The following RBFOX1 variants were observed in gnomAD, a reference collection of about 807,000 sequenced individuals.
RBFOX1 encodes the protein RNA binding protein fox-1 homolog 1.
Under a neutral mutation model 57.7 loss-of-function variants are expected in RBFOX1, and 8 were observed. The observed-to-expected ratio is 0.14, with a 90% CI of 0.08 to 0.25. RBFOX1 has a LOEUF of 0.25. Among genes scored for constraint, RBFOX1 ranks in the 10% least tolerant of loss-of-function variants. The probability of loss-of-function intolerance (pLI) is 1.00; values close to 1 mark genes in which losing one functional copy is unlikely to be tolerated. For missense variants in RBFOX1, 611 were observed against 548.5 expected, an observed-to-expected ratio of 1.11 and a Z score of -1.14; for synonymous variants, 326 against 222.4, an observed-to-expected ratio of 1.47 and a Z score of -4.15.
At position 7,159,273 on chromosome 16, in the gene RBFOX1, G is replaced by A. The variant is rs941357527; in HGVS notation, c.27+107175G>A. On this transcript the variant is annotated intron_variant, in intron 4 of 15. Transcript: ENST00000550418. ...AGAATCTTTTTTCAGTAGACACCCT[G>A]AGGCTGAGCAGGAGAGGGTGCCATT... Among the ~76,000 whole-genome samples the A allele has an allele frequency of 2.4e-4, 35 of 148,198 alleles. No homozygotes were observed. In the South Asian group the frequency reaches 6.4e-3, roughly 27 times the overall value.
At chr16:6,951,257 G>A (rs375749116) in intron 3 of RBFOX1, among the ~76,000 whole-genome samples, 45 of 152,038 alleles carry the variant, frequency 3.0e-4, no homozygotes, top group African/African-American at 9.7e-4. Context: ...TGAAAGAAAC[G>A]TAATAGAGTC....
rs868024595 is a variant in RBFOX1, at chr16:5,956,660, A to T, written c.351+89325A>T. Among the ~76,000 whole-genome samples the T allele has an allele frequency of 5.5e-4, 38 of 69,562 alleles. 1 individual carries two copies. The highest frequency in any genetic ancestry group is 1.3e-3 in the South Asian group (3 of 2,302). The allele number at this position is 69,562 out of a possible 152,430, so 45.6% of individuals were successfully genotyped here. On this transcript the variant is annotated intron_variant, in intron 4 of 19. Transcript: ENST00000641259. ...AACAAATATATATATATATATATTT[A>T]TATATATATATATATATATTTTTTT...
chr16:5,970,547 C>G (rs1048682896), intron 4 of RBFOX1, among the ~76,000 whole-genome samples: 1 of 152,060 alleles, frequency 6.6e-6, no homozygotes, highest in Non-Finnish European at 1.5e-5. Context: ...ATGAGTTGCT[C>G]AAGTAGAAAT....
chr16:5,901,250 C>G (rs924911954), intron 4 of RBFOX1, among the ~76,000 whole-genome samples: 9 of 152,174 alleles, frequency 5.9e-5, no homozygotes, highest in African/African-American at 2.2e-4. Context: ...TTCACGCGGT[C>G]TTTGTTTTAG....
chr16:5,475,566 A>G (rs2069292321), intron 2 of RBFOX1, among the ~76,000 whole-genome samples: 1 of 152,242 alleles, frequency 6.6e-6, no homozygotes. Context: ...ATTTTGACAT[A>G]GGTATAGTAA....
At chr16:5,794,401 A>G (rs776425264) in intron 3 of RBFOX1, among the ~76,000 whole-genome samples, 2 of 152,102 alleles carry the variant, frequency 1.3e-5, no homozygotes, top group Middle Eastern at 3.4e-3. Context: ...ATGAGGCCAA[A>G]TTCAATTATG....
chr16:6,225,384 C>G (rs2097408788), intron 1 of RBFOX1, among the ~76,000 whole-genome samples: 1 of 152,114 alleles, frequency 6.6e-6, no homozygotes, highest in Non-Finnish European at 1.5e-5. Context: ...ACAGAGAGAA[C>G]TTGGTTATGA....
At chr16:7,562,638 T>C (rs555535999) in intron 5 of RBFOX1, among the ~76,000 whole-genome samples, 61 of 152,280 alleles carry the variant, frequency 4.0e-4, no homozygotes, top group East Asian at 1.7e-3. Context: ...GAGGCACTTC[T>C]CATCACCAGG....
chr16:7,165,326 G>C (rs1456742282), intron 4 of RBFOX1, among the ~76,000 whole-genome samples: 2 of 150,560 alleles, frequency 1.3e-5, no homozygotes, highest in African/African-American at 2.4e-5. Flanking sequence ...AATGGGCTGT[G>C]CCCACCCAGG....
At chr16:7,632,407 A>G (rs1421505209) in intron 11 of RBFOX1, among the ~76,000 whole-genome samples, 1 of 152,138 alleles carries the variant, frequency 6.6e-6, no homozygotes, top group Admixed American at 6.5e-5. Context: ...GTTACTACAC[A>G]TTTTCACATG....
intron 1 of RBFOX1, among the ~76,000 whole-genome samples, chr16:5,439,354 G>A (rs558490225): frequency 2.0e-4 from 30 of 152,254 alleles, no homozygotes; most frequent in African/African-American, 7.2e-4. Flanking sequence ...AAACAGGGAA[G>A]TGACATGCTA....
intron 1 of RBFOX1, among the ~76,000 whole-genome samples, chr16:6,253,619 A>AG (rs1238031002): frequency 2.1e-4 from 31 of 150,562 alleles, no homozygotes; most frequent in Admixed American, 5.3e-4. Flanking sequence ...AGATGGATGG[A>AG]TGGATGGATG....
chr16:5,259,937 C>A lies in RBFOX1; in HGVS notation c.219+19832C>A, dbSNP rs549139114. ...AGTGAGGAGGCTGGGCACGGTGGCT[C>A]ACACCTGTAATCTTAGCACTTGGGA... On this transcript the variant is annotated intron_variant, in intron 1 of 2. Transcript: ENST00000585867. Among the ~76,000 whole-genome samples the A allele has an allele frequency of 3.4e-3, 515 of 152,260 alleles. 7 individuals are homozygous for A. The South Asian group carries it at 0.034, about 10-fold the overall frequency.
chr16:6,011,157 C>G (rs180676861), intron 4 of RBFOX1, among the ~76,000 whole-genome samples: 58 of 152,310 alleles, frequency 3.8e-4, no homozygotes, highest in Admixed American at 7.2e-4. Context: ...ATAGAGGGAA[C>G]ATTTTCGCCC....
intron 3 of RBFOX1, among the ~76,000 whole-genome samples, chr16:6,901,164 C>T (rs1045509633): frequency 2.6e-5 from 4 of 152,114 alleles, no homozygotes; most frequent in Non-Finnish European, 4.4e-5. Context: ...GTCTCCCATC[C>T]TAGTGTCTAA....
At chr16:6,772,142 G>A (rs2078398509) in intron 3 of RBFOX1, among the ~76,000 whole-genome samples, 1 of 152,108 alleles carries the variant, frequency 6.6e-6, no homozygotes, top group African/African-American at 2.4e-5. Context: ...CAAGTTTGTG[G>A]TCTGTTGGTG....
intron 3 of RBFOX1, among the ~76,000 whole-genome samples, chr16:5,707,198 C>A (rs1466971769): frequency 6.6e-6 from 1 of 152,174 alleles, no homozygotes. Flanking sequence ...GGACTCACAC[C>A]TGTAACTATC....
chr16:6,644,944 C>G (rs756592725), intron 2 of RBFOX1, among the ~76,000 whole-genome samples: 10 of 152,148 alleles, frequency 6.6e-5, no homozygotes, highest in Admixed American at 6.5e-5. Context: ...ACTTCCGTAG[C>G]AAATCATCAC....
intron 4 of RBFOX1, among the ~76,000 whole-genome samples, chr16:7,070,405 C>T (rs373664333): frequency 1.3e-5 from 2 of 152,172 alleles, no homozygotes; most frequent in Admixed American, 6.5e-5. Context: ...CAGATATATG[C>T]ATATACCGAG....
Sources: allele counts gnomAD v4.1 joint callset (sites outside exome capture counted in the v4.1 genomes callset), GRCh38; gene constraint gnomAD v4.1.1; transcripts MANE v1.5; gene names NCBI Gene and HGNC (gene_info 2026-07-23, HGNC 2026-07-21).